Variants in CNTN6 observed in about 807,000 individuals in gnomAD.
CNTN6 encodes the protein contactin 6, also known as contactin-6.
CNTN6 carries 137 observed loss-of-function variants against 122.8 expected under a neutral mutation model. That is an observed-to-expected ratio of 1.12 (90% CI 0.97 to 1.29). CNTN6 has a LOEUF of 1.29. CNTN6 is among the 50% of genes most tolerant of loss of function. The pLI is 0.00. For missense variants in CNTN6, 1,634 were observed against 1,223.4 expected (o/e 1.34, Z -5.01); for synonymous variants, 570 against 426.0 (o/e 1.34, Z -4.16).
chr3:1,210,934 C>T (rs1165052488), intron 2 of CNTN6, among the ~76,000 whole-genome samples: 2 of 152,206 alleles, frequency 1.3e-5, no homozygotes, highest in African/African-American at 2.4e-5. Context: ...AATACTTTCT[C>T]AGCGACCCTC....
chr3:1,367,839 A>T (rs1708462873), intron 12 of CNTN6, among the ~76,000 whole-genome samples: 1 of 152,156 alleles, frequency 6.6e-6, no homozygotes, highest in African/African-American at 2.4e-5. Flanking sequence ...AGTGGATGGC[A>T]GCAAAGGCTG....
intron 2 of CNTN6, among the ~76,000 whole-genome samples, chr3:1,176,382 C>G (rs1466686437): frequency 6.6e-6 from 1 of 152,154 alleles, no homozygotes; most frequent in Non-Finnish European, 1.5e-5. Flanking sequence ...GTGCACCGCA[C>G]CTGGGCAACA....
chr3:1,341,129 C>T (rs1481595374), intron 11 of CNTN6, among the ~76,000 whole-genome samples: 4 of 152,014 alleles, frequency 2.6e-5, no homozygotes, highest in Admixed American at 1.3e-4. Flanking sequence ...ATAACTCTCT[C>T]CTCTATTGTA....
At chr3:1,128,918 C>A (rs911428591) in intron 1 of CNTN6, among the ~76,000 whole-genome samples, 1 of 152,028 alleles carries the variant, frequency 6.6e-6, no homozygotes, top group Middle Eastern at 3.4e-3. Flanking sequence ...GGATAGGTAA[C>A]TTTTTTATTT....
intron 20 of CNTN6, among the ~76,000 whole-genome samples, chr3:1,392,840 A>C (rs2126230459): frequency 7.4e-6 from 1 of 135,710 alleles, no homozygotes; most frequent in South Asian, 2.6e-4. Context: ...AGAAATGCAA[A>C]TCAAAACCAC....
At chr3:1,385,867 C>A in intron 20 of CNTN6, 70 bp downstream of exon 20, 1 of 1,365,514 alleles carries the variant, frequency 7.3e-7, no homozygotes, top group Non-Finnish European at 9.8e-7. Flanking sequence ...GCTTGATGTT[C>A]ATTTCATTCC....
intron 2 of CNTN6, among the ~76,000 whole-genome samples, chr3:1,185,334 TA>T (rs142916196): frequency 6.6e-6 from 1 of 152,156 alleles, no homozygotes; most frequent in Admixed American, 6.6e-5. Flanking sequence ...ATTGTTTATT[TA>T]AAAAAGATGT....
chr3:1,140,543 C>A (rs1189318702), intron 1 of CNTN6, among the ~76,000 whole-genome samples: 1 of 152,120 alleles, frequency 6.6e-6, no homozygotes, highest in East Asian at 1.9e-4. Context: ...TATATAGTTT[C>A]TTTCAATTGT....
intron 12 of CNTN6, among the ~76,000 whole-genome samples, chr3:1,359,295 C>T (rs770602419): frequency 2.0e-5 from 3 of 152,026 alleles, no homozygotes; most frequent in Non-Finnish European, 2.9e-5. Flanking sequence ...AGATGTCAGG[C>T]CCTGCTTTGA....
At chr3:1,285,409 T>C (rs9845272) in intron 5 of CNTN6, among the ~76,000 whole-genome samples, 1,568 of 152,260 alleles carry the variant, frequency 0.01, 31 homozygotes, top group African/African-American at 0.036. Context: ...GCCAGTTAGA[T>C]ACAAGGGTGA....
intron 2 of CNTN6, among the ~76,000 whole-genome samples, chr3:1,159,394 G>A (rs1223158339): frequency 6.6e-6 from 1 of 152,198 alleles, no homozygotes; most frequent in African/African-American, 2.4e-5. Context: ...GCAGGATGGT[G>A]TGGGATGACT....
chr3:1,212,780 A>G (rs955397994), intron 2 of CNTN6, among the ~76,000 whole-genome samples: 4 of 152,144 alleles, frequency 2.6e-5, no homozygotes, highest in African/African-American at 7.2e-5. Context: ...TTGTATAGAC[A>G]AAACAATAAA....
chr3:1,375,091 G>A (rs971019541), intron 16 of CNTN6, among the ~76,000 whole-genome samples: 8 of 151,980 alleles, frequency 5.3e-5, no homozygotes, highest in Non-Finnish European at 8.8e-5. Flanking sequence ...ATGTAGATGA[G>A]CAATAGATTA....
At chr3:1,175,454 G>T (rs1245792393) in intron 2 of CNTN6, among the ~76,000 whole-genome samples, 1 of 152,172 alleles carries the variant, frequency 6.6e-6, no homozygotes, top group South Asian at 2.1e-4. Context: ...GTCTACTCAA[G>T]GCTAACAGCA....
chr3:1,250,980 C>T (rs147446211), intron 4 of CNTN6, among the ~76,000 whole-genome samples: 7 of 152,220 alleles, frequency 4.6e-5, no homozygotes, highest in Admixed American at 2.6e-4. Context: ...CATTAGCCCG[C>T]ACTACTCATA....
At chr3:1,195,444 A>G (rs1156680715) in intron 2 of CNTN6, among the ~76,000 whole-genome samples, 1 of 152,214 alleles carries the variant, frequency 6.6e-6, no homozygotes, top group Non-Finnish European at 1.5e-5. Flanking sequence ...CCAGTATGGA[A>G]TATGAATAAT....
chr3:1,242,106 C>T (rs971308665), intron 4 of CNTN6, among the ~76,000 whole-genome samples: 1 of 152,102 alleles, frequency 6.6e-6, no homozygotes, highest in African/African-American at 2.4e-5. Flanking sequence ...GAGAATTATG[C>T]TGAGATAGGT....
At chr3:1,220,864 C>T (rs762773056) in intron 3 of CNTN6, 51 bp downstream of exon 3, 21 of 1,526,602 alleles carry the variant, frequency 1.4e-5, no homozygotes, top group Admixed American at 2.1e-5. Context: ...CTCACTGAAC[C>T]AAAACATACA....
At chr3:1,243,732 G>A (rs1338495134) in intron 4 of CNTN6, among the ~76,000 whole-genome samples, 1 of 152,196 alleles carries the variant, frequency 6.6e-6, no homozygotes, top group East Asian at 1.9e-4. Flanking sequence ...CTCGGCAGGT[G>A]GGGAAGAGCT....
Sources: gnomAD v4.1 joint callset for allele counts (sites outside exome capture counted in the v4.1 genomes callset) on GRCh38, gnomAD v4.1.1 for gene constraint, MANE v1.5 for transcripts, NCBI Gene and HGNC (gene_info 2026-07-23, HGNC 2026-07-21) for gene names.